Variants in RAB31 observed in about 807,000 individuals in gnomAD.
The protein encoded by RAB31 is RAB31, member RAS oncogene family.
In RAB31, 21 loss-of-function variants were observed where a neutral mutation model predicts 25.6. The ratio of observed to expected loss-of-function variants is 0.82; its 90% CI spans 0.58 to 1.18. The LOEUF (loss-of-function observed/expected upper bound fraction) is 1.18, where lower values mean the gene tolerates loss of function less well. Among genes scored for constraint, RAB31 ranks in the 50% most tolerant of loss-of-function variants. RAB31 has a pLI of 0.00. For synonymous variants in RAB31, 87 were observed against 84.0 expected, an observed-to-expected ratio of 1.04 and a Z score of -0.20; for missense variants, 196 against 250.1, an observed-to-expected ratio of 0.78 and a Z score of 1.46.
chr18:9,803,192 C>A (rs973965498), intron 3 of RAB31, among the ~76,000 whole-genome samples: 4 of 151,982 alleles, frequency 2.6e-5, no homozygotes. Flanking sequence ...GCTCTCCTCC[C>A]ACCCTTTCAC....
chr18:9,843,527 C>T (rs1028837057), intron 5 of RAB31, among the ~76,000 whole-genome samples: 1 of 101,614 alleles, frequency 9.8e-6, no homozygotes, highest in Non-Finnish European at 1.8e-5. Flanking sequence ...GCCTGGGCGA[C>T]AGAGCAAGAC....
chr18:9,841,630 A>G (rs926043568), intron 5 of RAB31, among the ~76,000 whole-genome samples: 3 of 151,876 alleles, frequency 2.0e-5, no homozygotes, highest in Non-Finnish European at 2.9e-5. Context: ...AAGTGTTCCC[A>G]TGGGCTGAGC....
chr18:9,741,406 C>T lies in RAB31; in HGVS notation c.39+32962C>T, dbSNP rs1402757768. Among the ~76,000 whole-genome samples the T allele has an allele frequency of 3.0e-5, 4 of 134,820 alleles. No homozygotes were observed. In the East Asian group the frequency reaches 8.3e-4, roughly 28 times the overall value. 88.4% of individuals were successfully genotyped at this position (134,820 alleles called of 152,430 possible). A position where few individuals can be genotyped will look rare whatever the true frequency, so the allele number is the denominator to read the frequency against. ...AAAAAAAAAAAAAAAAAAAAAAAGG[C>T]AGCTGCTCTGGGCACCCCTGGATTG... is the stretch of plus-strand genomic sequence containing the variant. On this transcript the variant is annotated intron_variant, in intron 1 of 6. Coordinates refer to ENST00000578921, the MANE Select transcript of RAB31 (RefSeq NM_006868.4).
chr18:9,846,076 C>T (rs572781319), intron 6 of RAB31, among the ~76,000 whole-genome samples: 1 of 152,156 alleles, frequency 6.6e-6, no homozygotes, highest in Non-Finnish European at 1.5e-5. Context: ...ACTGAGGGAA[C>T]CTTCCAGTAA....
At chr18:9,793,733 A>G (rs1213027129) in intron 3 of RAB31, among the ~76,000 whole-genome samples, 1 of 152,130 alleles carries the variant, frequency 6.6e-6, no homozygotes, top group African/African-American at 2.4e-5. Context: ...CTTAGCCAAG[A>G]GCTGTTAGCT....
chr18:9,745,017 A>G (rs1326067091), intron 1 of RAB31, among the ~76,000 whole-genome samples: 2 of 152,194 alleles, frequency 1.3e-5, no homozygotes, highest in African/African-American at 4.8e-5. Flanking sequence ...AGTGAAACCA[A>G]AAGTTGGTTC....
chr18:9,827,188 G>C (rs564429796), intron 5 of RAB31, among the ~76,000 whole-genome samples: 2 of 152,128 alleles, frequency 1.3e-5, no homozygotes, highest in East Asian at 3.9e-4. Flanking sequence ...TAATGGAACT[G>C]CTTTTCAAGC....
chr18:9,840,123 C>T (rs1333982001), intron 5 of RAB31, among the ~76,000 whole-genome samples: 1 of 152,198 alleles, frequency 6.6e-6, no homozygotes, highest in Non-Finnish European at 1.5e-5. Flanking sequence ...AGACTATGAT[C>T]AGCTCCGGGA....
intron 5 of RAB31, 151 bp from the exon 6 acceptor site, chr18:9,845,431 C>T (rs1178823466): frequency 8.1e-6 from 5 of 615,248 alleles, no homozygotes; most frequent in African/African-American, 3.8e-5. Context: ...AAGTCTCACT[C>T]ATACTAGGTG....
At chr18:9,719,101 C>T (rs1025505019) in intron 1 of RAB31, among the ~76,000 whole-genome samples, 2 of 150,686 alleles carry the variant, frequency 1.3e-5, no homozygotes, top group Non-Finnish European at 3.0e-5. Context: ...GAAACCCCCT[C>T]TCTGCTAAAA....
At chr18:9,813,466 T>C (rs2068585298) in intron 3 of RAB31, among the ~76,000 whole-genome samples, 1 of 152,176 alleles carries the variant, frequency 6.6e-6, no homozygotes, top group Admixed American at 6.5e-5. Flanking sequence ...TAAAATAAAA[T>C]TTGTTTTTGG....
intron 3 of RAB31, among the ~76,000 whole-genome samples, chr18:9,794,981 A>AC (rs1257938545): frequency 9.2e-5 from 14 of 152,180 alleles, no homozygotes. Flanking sequence ...ACATTACCCG[A>AC]CCTCAAACTA....
chr18:9,735,917 G>T (rs2068148781), intron 1 of RAB31, among the ~76,000 whole-genome samples: 1 of 152,178 alleles, frequency 6.6e-6, no homozygotes, highest in Non-Finnish European at 1.5e-5. Context: ...GCTTACCGCA[G>T]TCTTGAACTC....
At chr18:9,802,758 G>C (rs949126574) in intron 3 of RAB31, among the ~76,000 whole-genome samples, 2 of 152,250 alleles carry the variant, frequency 1.3e-5, no homozygotes, top group East Asian at 3.8e-4. Flanking sequence ...GCACAAAGCT[G>C]TGCGGAATCG....
intron 2 of RAB31, among the ~76,000 whole-genome samples, chr18:9,788,969 CA>C (rs991504340): frequency 6.6e-6 from 1 of 151,654 alleles, no homozygotes; most frequent in Non-Finnish European, 1.5e-5. Flanking sequence ...GACCCCATCT[CA>C]AAAAAACAAA....
rs763250878 is a variant in RAB31, at chr18:9,708,363, C to G, written c.-43C>G. ...CGGCGGGGCGCGGGCGCGGCGGCCC[C>G]GGAGGATGCTGCTGAGCCCCGGCAC... On this transcript the variant is annotated 5_prime_UTR_variant, in exon 1 of 7. Coordinates refer to ENST00000578921, the MANE Select transcript of RAB31 (RefSeq NM_006868.4). The surrounding 1 kb of genome is among the most constrained non-coding windows in gnomAD (Gnocchi z 6.4). 35 of 1,480,442 alleles carry G rather than the reference C, an allele frequency of 2.4e-5. No individual in the cohort carries two copies. The highest frequency in any genetic ancestry group is 2.6e-5 in the Non-Finnish European group (29 of 1,107,736). 91.7% of individuals were successfully genotyped at this position (1,480,442 alleles called of 1,614,324 possible).
intron 2 of RAB31, chr18:9,787,079 T>G (rs2068437308): frequency 4.7e-6 from 1 of 211,484 alleles, no homozygotes; most frequent in Admixed American, 4.3e-5. Flanking sequence ...CTACAGCTAT[T>G]TCAAGCTAAA....
intron 6 of RAB31, among the ~76,000 whole-genome samples, chr18:9,855,259 A>G (rs1290067953): frequency 1.3e-5 from 2 of 152,210 alleles, no homozygotes; most frequent in Non-Finnish European, 2.9e-5. Flanking sequence ...TAAAAAAAAA[A>G]AAGTCTTTTA....
chr18:9,819,006 TC>T (rs1441529949), intron 5 of RAB31, among the ~76,000 whole-genome samples: 1 of 152,224 alleles, frequency 6.6e-6, no homozygotes, highest in Non-Finnish European at 1.5e-5. Flanking sequence ...TTGTAAGAGT[TC>T]TTTATGTATT....
Sources: gnomAD v4.1 joint callset for allele counts (sites outside exome capture counted in the v4.1 genomes callset) on GRCh38, gnomAD v4.1.1 for gene constraint, Gnocchi (gnomAD v3.1) non-coding constraint, MANE v1.5 for transcripts, NCBI Gene and HGNC (gene_info 2026-07-23, HGNC 2026-07-21) for gene names.